Variants in ATRNL1 observed in about 807,000 individuals in gnomAD.
ATRNL1 encodes the protein attractin like 1.
A neutral mutation model predicts 182.7 loss-of-function variants in ATRNL1; 95 were observed. The ratio of observed to expected loss-of-function variants is 0.52; its 90% CI spans 0.44 to 0.62. The LOEUF (loss-of-function observed/expected upper bound fraction) is 0.62, where lower values mean the gene tolerates loss of function less well. Among genes scored for constraint, ATRNL1 ranks in the 20% least tolerant of loss-of-function variants. ATRNL1 has a pLI of 0.00. For missense variants in ATRNL1, 1,471 were observed against 1,679.5 expected, an observed-to-expected ratio of 0.88 and a Z score of 2.17; for synonymous variants, 576 against 568.3, an observed-to-expected ratio of 1.01 and a Z score of -0.19.
chr10:115,589,999 G>A (rs1190532218), intron 26 of ATRNL1, among the ~76,000 whole-genome samples: 1 of 152,166 alleles, frequency 6.6e-6, no homozygotes, highest in African/African-American at 2.4e-5. Context: ...TAATATAGCA[G>A]TTTGCTTTAG....
chr10:115,531,964 C>T (rs1490787137), intron 25 of ATRNL1, among the ~76,000 whole-genome samples: 1 of 148,896 alleles, frequency 6.7e-6, no homozygotes, highest in East Asian at 2.0e-4. Flanking sequence ...TTTCTGAGGG[C>T]TCTGTTCTGT....
At chr10:115,457,248 T>C (rs1847570715) in intron 21 of ATRNL1, among the ~76,000 whole-genome samples, 1 of 151,946 alleles carries the variant, frequency 6.6e-6, no homozygotes, top group African/African-American at 2.4e-5. Context: ...GTCTGGGGTT[T>C]TTATGGGCTT....
At chr10:115,250,968 A>G (rs1850851742) in intron 10 of ATRNL1, among the ~76,000 whole-genome samples, 1 of 152,212 alleles carries the variant, frequency 6.6e-6, no homozygotes, top group African/African-American at 2.4e-5. Flanking sequence ...CTAAGGCAAA[A>G]GTGTGAAGGT....
chr10:115,259,243 G>A lies in ATRNL1; in HGVS notation c.1688-5950G>A, dbSNP rs782667078. ...GGCCACAGAGGTGGAGTCTAGAGACGGTAGGCCTTGGTGAGCTGTGGTAGG... is the reference window on the plus strand; with the variant it reads ...GGCCACAGAGGTGGAGTCTAGAGACAGTAGGCCTTGGTGAGCTGTGGTAGG... On this transcript the variant is annotated intron_variant, in intron 10 of 28. Transcript: ENST00000355044. Among the ~76,000 whole-genome samples the A allele has an allele frequency of 3.3e-5, 5 of 152,180 alleles. No individual in the cohort carries two copies. In the East Asian group the frequency reaches 5.8e-4, roughly 18 times the overall value.
intron 27 of ATRNL1, among the ~76,000 whole-genome samples, chr10:115,796,764 G>A (rs1949663585): frequency 6.6e-6 from 1 of 152,118 alleles, no homozygotes; most frequent in Non-Finnish European, 1.5e-5. Flanking sequence ...CTGAAAAAAT[G>A]TAACAAAATG....
chr10:115,684,008 A>C (rs1252336690), intron 26 of ATRNL1, among the ~76,000 whole-genome samples: 1 of 151,740 alleles, frequency 6.6e-6, no homozygotes, highest in Non-Finnish European at 1.5e-5. Flanking sequence ...ATTTTTATCT[A>C]ATCATGTATC....
intron 28 of ATRNL1, among the ~76,000 whole-genome samples, chr10:115,935,864 G>A (rs550351753): frequency 1.8e-4 from 27 of 151,924 alleles, no homozygotes; most frequent in African/African-American, 2.9e-4. Context: ...TATCACTTTC[G>A]GTTATTTTTG....
chr10:115,137,520 G>C (rs1281770842), intron 5 of ATRNL1, among the ~76,000 whole-genome samples: 5 of 151,734 alleles, frequency 3.3e-5, no homozygotes, highest in Admixed American at 3.3e-4. Flanking sequence ...CCACATGGCT[G>C]GGGGGGCCTC....
chr10:115,661,803 A>C (rs4751922), intron 26 of ATRNL1, among the ~76,000 whole-genome samples: 44,693 of 151,946 alleles, frequency 0.29, 7,494 homozygotes, highest in East Asian at 0.56. Flanking sequence ...TAAGTTTTAG[A>C]GTACATGTGC....
At chr10:115,634,169 C>A (rs1858712650) in intron 26 of ATRNL1, among the ~76,000 whole-genome samples, 1 of 152,018 alleles carries the variant, frequency 6.6e-6, no homozygotes, top group African/African-American at 2.4e-5. Flanking sequence ...ACTAAAACAC[C>A]TAAAATCAAC....
chr10:115,480,532 A>G (rs1848719340), intron 24 of ATRNL1, among the ~76,000 whole-genome samples: 2 of 151,172 alleles, frequency 1.3e-5, no homozygotes, highest in Admixed American at 1.3e-4. Flanking sequence ...TAGTATTAGA[A>G]ATTGTTAATT....
intron 24 of ATRNL1, among the ~76,000 whole-genome samples, chr10:115,515,820 G>A (rs1186842346): frequency 1.3e-5 from 2 of 151,840 alleles, no homozygotes; most frequent in East Asian, 3.9e-4. Flanking sequence ...AAATCCAGTA[G>A]CCATATTTTC....
intron 24 of ATRNL1, among the ~76,000 whole-genome samples, chr10:115,516,438 C>T (rs1554983902): frequency 3.3e-5 from 5 of 151,856 alleles, no homozygotes; most frequent in Non-Finnish European, 5.9e-5. Context: ...CTTGTGCAAG[C>T]TACTATTGCC....
chr10:115,124,481 C>T (rs1313630175), intron 3 of ATRNL1, among the ~76,000 whole-genome samples: 3 of 152,126 alleles, frequency 2.0e-5, no homozygotes, highest in Non-Finnish European at 4.4e-5. Context: ...AACAGGGAAG[C>T]TCATCTGAGC....
chr10:115,446,570 A>G (rs901298852), intron 21 of ATRNL1, among the ~76,000 whole-genome samples: 1 of 151,938 alleles, frequency 6.6e-6, no homozygotes, highest in Non-Finnish European at 1.5e-5. Context: ...TTGTTGTCAA[A>G]TTGAGATTTT....
At chr10:115,755,431 G>T (rs1489015884) in intron 27 of ATRNL1, among the ~76,000 whole-genome samples, 1 of 152,120 alleles carries the variant, frequency 6.6e-6, no homozygotes, top group Non-Finnish European at 1.5e-5. Context: ...AGATAATCAT[G>T]TGGTTTTTGT....
At chr10:115,427,565 T>C (rs1237041908) in intron 21 of ATRNL1, among the ~76,000 whole-genome samples, 1 of 152,180 alleles carries the variant, frequency 6.6e-6, no homozygotes, top group East Asian at 1.9e-4. Flanking sequence ...TTAAGTTTTC[T>C]ATTTAAGTAT....
chr10:115,559,041 G>C (rs1185790256), intron 26 of ATRNL1, among the ~76,000 whole-genome samples: 3 of 152,062 alleles, frequency 2.0e-5, no homozygotes, highest in African/African-American at 7.2e-5. Context: ...CAGGGACCCA[G>C]TCTCCCTCTC....
intron 21 of ATRNL1, among the ~76,000 whole-genome samples, chr10:115,439,462 T>C (rs1255823469): frequency 6.6e-6 from 1 of 151,830 alleles, no homozygotes; most frequent in Admixed American, 6.6e-5. Flanking sequence ...AGAAAAGAGA[T>C]AAATAAAAAT....
Sources: gnomAD v4.1 joint callset for allele counts (sites outside exome capture counted in the v4.1 genomes callset) on GRCh38, gnomAD v4.1.1 for gene constraint, MANE v1.5 for transcripts, NCBI Gene and HGNC (gene_info 2026-07-23, HGNC 2026-07-21) for gene names.